AP4M1: variants seen among roughly 807,000 people sequenced by gnomAD.
The protein encoded by AP4M1 is AP-4 complex subunit mu-1.
AP4M1 carries 58 observed loss-of-function variants against 62.4 expected under a neutral mutation model. That is an observed-to-expected ratio of 0.93 (90% CI 0.75 to 1.16). AP4M1 has a LOEUF of 1.16. Among genes scored for constraint, AP4M1 ranks in the 50% most tolerant of loss-of-function variants. The probability of loss-of-function intolerance (pLI) is 0.00; values close to 1 mark genes in which losing one functional copy is unlikely to be tolerated. For synonymous variants in AP4M1, 290 were observed against 239.7 expected, an observed-to-expected ratio of 1.21 and a Z score of -1.94; for missense variants, 626 against 585.4, an observed-to-expected ratio of 1.07 and a Z score of -0.72.
chr7:100,101,774 T>C lies in AP4M1; in HGVS notation c.58+2T>C. On this transcript the variant is annotated splice_donor_variant, in intron 1 of 14. Transcript: ENST00000359593. LOFTEE classifies it high-confidence loss of function. ...GGGACCCGCTCATCTACAAAGACTG[T>C]ATCCTAGACCCTTGGGGCTGGGAAG... 6.3e-7 allele frequency: 1 copy of C among 1,589,028 alleles called. No individual in the cohort carries two copies. The highest frequency in any genetic ancestry group is 1.1e-5 in the South Asian group (1 of 90,546).
At chr7:100,101,367 C>T, upstream of AP4M1, 2 of 1,597,560 alleles carry the variant, frequency 1.3e-6, no homozygotes, top group Non-Finnish European at 1.7e-6. Flanking sequence ...AGAATCTCCG[C>T]GCGGTGGACT....
In AP4M1 at chr7:100,106,526, G is replaced by T; in HGVS notation, c.1137+12G>T. The T allele has an allele frequency of 6.8e-6, 11 of 1,610,746 alleles. No individual in the cohort carries two copies. Among genetic ancestry groups the T allele is most frequent in the Non-Finnish European group, 9.3e-6 (11 of 1,178,760 alleles). On this transcript the variant is annotated intron_variant, in intron 14 of 14. Transcript: ENST00000359593. ...CAGGCCTTTTCCAGGTATTCGCTGTGGACCCCCAGCCCCTCTCCTCCCACA... is the reference window on the plus strand; with the variant it reads ...CAGGCCTTTTCCAGGTATTCGCTGTTGACCCCCAGCCCCTCTCCTCCCACA...
At position 100,107,699 on chromosome 7, in the gene AP4M1, T is replaced by G; in HGVS notation, c.*817T>G. The G allele has an allele frequency of 6.4e-7, 1 of 1,559,692 alleles. No homozygotes were observed. Among genetic ancestry groups the G allele is most frequent in the South Asian group, 1.2e-5 (1 of 85,488 alleles). ...CAGAGGCCTGGCGAGGACGCTTCAC[T>G]CGCTCCCTGCCTGAACAAGTTGTTC... is the stretch of plus-strand genomic sequence containing the variant. On this transcript the variant is annotated 3_prime_UTR_variant, in exon 15 of 15. Transcript: ENST00000359593.
upstream of AP4M1, chr7:100,100,905 C>T: frequency 9.5e-7 from 1 of 1,057,420 alleles, no homozygotes; most frequent in Non-Finnish European, 1.2e-6. Flanking sequence ...CCTGGGAATG[C>T]CCAAAAGCGC....
chr7:100,103,857 C>G (rs187329914), intron 6 of AP4M1, among the ~76,000 whole-genome samples, 165 bp downstream of exon 6: 158 of 110,606 alleles, frequency 1.4e-3, no homozygotes, highest in Non-Finnish European at 2.3e-3. Flanking sequence ...GCCTGGCCAA[C>G]ATGGTGAAAA....
At chr7:100,101,628 C>G (rs1398779915), upstream of AP4M1, 5 of 1,361,352 alleles carry the variant, frequency 3.7e-6, no homozygotes, top group Admixed American at 8.5e-5. Context: ...CTTAAAGGGC[C>G]AGCGCACACG....
chr7:100,107,625 TG>T lies in AP4M1; in HGVS notation c.*745del, dbSNP rs753487211. 53 of 1,610,418 alleles carry T rather than the reference TG, an allele frequency of 3.3e-5. No homozygotes were observed. The highest frequency in any genetic ancestry group is 4.3e-5 in the Non-Finnish European group (51 of 1,178,926). On this transcript the variant is annotated 3_prime_UTR_variant, in exon 15 of 15. Transcript: ENST00000359593. ...GGCCGAGGTGCTGAGGGACAGGACC[TG>T]GATAGAAAGGAAAGGCAGGCCGCTT... is the stretch of plus-strand genomic sequence containing the variant.
chr7:100,107,280 T>G lies in AP4M1; in HGVS notation c.*398T>G, dbSNP rs1584527824. 1 of 1,524,044 alleles carries G rather than the reference T, an allele frequency of 6.6e-7. No individual in the cohort carries two copies. Among genetic ancestry groups the G allele is most frequent in the South Asian group, 1.3e-5 (1 of 75,656 alleles). 94.4% of individuals were successfully genotyped at this position (1,524,044 alleles called of 1,614,324 possible). The stretch of plus-strand genomic sequence containing the variant: ...AGGCTGAGGGGAGCCGGAGTTGGGC[T>G]GGGAGCCATTGGCTTTTGGAGTCCC... On this transcript the variant is annotated 3_prime_UTR_variant, in exon 15 of 15. Coordinates refer to ENST00000359593, the MANE Select transcript of AP4M1 (RefSeq NM_004722.4).
At chr7:100,101,555 G>A (rs1175421186), upstream of AP4M1, 10 of 833,504 alleles carry the variant, frequency 1.2e-5, no homozygotes, top group Non-Finnish European at 2.0e-5. Flanking sequence ...GAATCTCCGG[G>A]CGGGGTAGTG....
chr7:100,101,493 C>G, upstream of AP4M1: 1 of 798,428 alleles, frequency 1.3e-6, no homozygotes, highest in Admixed American at 2.2e-5. Context: ...GCAAGCCAAT[C>G]ACCGTGCGGG....
rs373378029 is a variant in AP4M1, at chr7:100,108,552, AAAAAAAGCCAGGTAGAGGGAGGGCTGGGG to A, written c.*1698_*1726del. The A allele has an allele frequency of 2.3e-4, 371 of 1,582,460 alleles. 1 individual carries two copies. The African/African-American group carries it at 3.5e-3, about 15-fold the overall frequency. On this transcript the variant is annotated 3_prime_UTR_variant, in exon 15 of 15. Coordinates refer to ENST00000359593, the MANE Select transcript of AP4M1 (RefSeq NM_004722.4). ...GGAGCACAGTGTTTCTGCAGAACAG[AAAAAAAGCCAGGTAGAGGGAGGGCTGGGG>A]AAAAAAGCCAGGTAGAGGGAGGGCT...
In AP4M1 at chr7:100,106,830, A is replaced by C. The variant is rs977714103; in HGVS notation, c.1310A>C (p.His437Pro). The change falls in exon 15 of 15, where the codon CAC (histidine) becomes CCC (proline). Residue 437 changes from histidine to proline, a missense_variant. His to Pro is a moderately conservative substitution (Grantham distance 77). Coordinates refer to ENST00000359593, the MANE Select transcript of AP4M1 (RefSeq NM_004722.4). The part of the protein sequence containing the change: ...AFRPCGNANP[H>P]KWVRHLSHSD... Reference sequence around the variant, plus strand: ...AGGCCATGCGGCAATGCCAACCCCCACAAGTGGGTGCGACACCTAAGCCAC... The same window carrying C: ...AGGCCATGCGGCAATGCCAACCCCCCCAAGTGGGTGCGACACCTAAGCCAC... The C allele has an allele frequency of 4.3e-6, 7 of 1,613,782 alleles. No homozygotes were observed. Among genetic ancestry groups the C allele is most frequent in the Non-Finnish European group, 5.9e-6 (7 of 1,180,046 alleles).
At position 100,102,882 on chromosome 7, in the gene AP4M1, C is replaced by T. The variant is rs778849366; in HGVS notation, c.273C>T (p.Gly91=). ...TCCTCAGGTTGGCCACCCTTCTGGG[C>T]GATTACTGTGGCTCCCTGGGCGAGG... The part of the protein sequence containing the change: ...ELLSRLATLL[G]DYCGSLGEGT... The change falls in exon 4 of 15, where the codon GGC becomes GGT. Residue 91 remains glycine (G), a synonymous_variant. Coordinates refer to ENST00000359593, the MANE Select transcript of AP4M1 (RefSeq NM_004722.4). 2.7e-5 allele frequency: 43 copies of T among 1,613,932 alleles called. No homozygotes were observed. The highest frequency in any genetic ancestry group is 3.3e-5 in the Admixed American group (2 of 59,990).
chr7:100,106,716 C>A lies in AP4M1; in HGVS notation c.1196C>A (p.Pro399His). 6.2e-7 allele frequency: 1 copy of A among 1,613,830 alleles called. No individual in the cohort carries two copies. Among genetic ancestry groups the A allele is most frequent in the African/African-American group, 1.3e-5 (1 of 75,056 alleles). ...PSHGLSTSAS[P>H]LGLGPASLSF... ...CATGGGCTCTCCACCTCGGCCTCTCCTCTGGGGCTGGGCCCTGCCAGTCTC... is the reference window on the plus strand; with the variant it reads ...CATGGGCTCTCCACCTCGGCCTCTCATCTGGGGCTGGGCCCTGCCAGTCTC... Residue 399 changes from proline (P) to histidine (H), a missense_variant, in exon 15 of 15, where the codon CCT becomes CAT. By Grantham distance (77) the Pro-to-His change is moderately conservative (BLOSUM62 -2). Transcript: ENST00000359593.
rs1796566017 is a variant in AP4M1, at chr7:100,106,918, A to G, written c.*36A>G. On this transcript the variant is annotated 3_prime_UTR_variant, in exon 15 of 15. Transcript: ENST00000359593. ...ACGAGGACACGACGGCCAAGGTGGCAGTTTGTCCCACGGGAGGACAGTCGT... is the reference window on the plus strand; with the variant it reads ...ACGAGGACACGACGGCCAAGGTGGCGGTTTGTCCCACGGGAGGACAGTCGT... The G allele has an allele frequency of 6.3e-7, 1 of 1,594,968 alleles. No homozygotes were observed. Among genetic ancestry groups the G allele is most frequent in the Admixed American group, 1.7e-5 (1 of 58,644 alleles).
chr7:100,106,288 T>C lies in AP4M1; in HGVS notation c.1022T>C (p.Val341Ala), dbSNP rs1448365205. Residue 341 changes from valine to alanine, a missense_variant, in exon 13 of 15, where the codon GTC becomes GCC. By Grantham distance (64) the Val-to-Ala change is moderately conservative. Coordinates refer to ENST00000359593, the MANE Select transcript of AP4M1 (RefSeq NM_004722.4). ...CACCTCCCCCTGCCTCGAGGGGTGG[T>C]CAGGTGAGTGTGTGCACCCACCACG... ...RLHLPLPRGV[V>A]SLSQELSSPE... 3.1e-6 allele frequency: 5 copies of C among 1,613,834 alleles called. No homozygotes were observed. The South Asian group carries it at 5.5e-5, about 18-fold the overall frequency.
In AP4M1 at chr7:100,102,939, C is replaced by G. The variant is rs752598529; in HGVS notation, c.330C>G (p.Tyr110Ter). The change falls in exon 4 of 15, where the codon TAC (tyrosine) becomes TAG (stop). Residue 110 changes from tyrosine to a stop codon, truncating the protein, a stop_gained. Transcript: ENST00000359593. LOFTEE classifies it high-confidence loss of function. Reference protein sequence around the residue: ...GTISRNVALVYELLDEVLDYG... With the variant: ...GTISRNVALV The stretch of plus-strand genomic sequence containing the variant: ...TCTCCCGCAATGTGGCTCTGGTATA[C>G]GAACTCCTGGATGAAGTGCTGGTGA... The G allele has an allele frequency of 9.9e-6, 16 of 1,614,042 alleles. No homozygotes were observed. Among genetic ancestry groups the G allele is most frequent in the Non-Finnish European group, 1.4e-5 (16 of 1,179,982 alleles).
At chr7:100,100,865 G>A (rs1374128135), upstream of AP4M1, 2 of 1,036,384 alleles carry the variant, frequency 1.9e-6, no homozygotes, top group African/African-American at 3.4e-5. Context: ...CGCCCCCGGG[G>A]CCTACGCGCG....
At chr7:100,102,052 G>A in intron 2 of AP4M1, 84 bp downstream of exon 2, 1 of 1,474,030 alleles carries the variant, frequency 6.8e-7, no homozygotes, top group Non-Finnish European at 9.4e-7. Flanking sequence ...TGGTTCATTG[G>A]TAGATTCCAC....
Sources: gnomAD v4.1 joint callset for allele counts (sites outside exome capture counted in the v4.1 genomes callset) on GRCh38, gnomAD v4.1.1 for gene constraint, MANE v1.5 for transcripts, NCBI Gene and HGNC (gene_info 2026-07-23, HGNC 2026-07-21) for gene names.